Variants in DCUN1D2 observed in about 807,000 individuals in gnomAD.
DCUN1D2 encodes the protein DCN1-like protein 2.
A neutral mutation model predicts 30.9 loss-of-function variants in DCUN1D2; 29 were observed. The ratio of observed to expected loss-of-function variants is 0.94; its 90% CI spans 0.70 to 1.28. The LOEUF (loss-of-function observed/expected upper bound fraction) is 1.28, where lower values mean the gene tolerates loss of function less well. DCUN1D2 is among the 50% of genes most tolerant of loss of function. DCUN1D2 has a pLI of 0.00. For synonymous variants in DCUN1D2, 121 were observed against 115.3 expected (o/e 1.05, Z -0.32); for missense variants, 325 against 316.9 (o/e 1.03, Z -0.19).
At chr13:113,482,742 A>G (rs1315352303) in intron 2 of DCUN1D2, among the ~76,000 whole-genome samples, 1 of 152,232 alleles carries the variant, frequency 6.6e-6, no homozygotes, top group East Asian at 1.9e-4. Context: ...CAAGAGATTG[A>G]GACCATCCTG....
At chr13:113,469,693 G>A (rs2139697942) in intron 4 of DCUN1D2, among the ~76,000 whole-genome samples, 1 of 147,368 alleles carries the variant, frequency 6.8e-6, no homozygotes, top group Middle Eastern at 3.6e-3. Context: ...AAAATGTTAA[G>A]CCAGGTGTGG....
intron 1 of DCUN1D2, among the ~76,000 whole-genome samples, chr13:113,489,700 AG>A (rs1488728184): frequency 6.6e-6 from 1 of 151,946 alleles, no homozygotes; most frequent in Non-Finnish European, 1.5e-5. Context: ...CCTACCACTA[AG>A]GGTCTGTGCA....
Position 113,457,278 on chromosome 13 carries a change from C to T in DCUN1D2, c.*751G>A, listed in dbSNP as rs185227762. The T allele has an allele frequency of 5.3e-5, 8 of 152,288 alleles. No homozygotes were observed. Among genetic ancestry groups the T allele is most frequent in the African/African-American group, 1.7e-4 (7 of 41,556 alleles). The allele number at this position is 152,288 out of a possible 1,614,324, so 9.4% of individuals were successfully genotyped here. On this transcript the variant is annotated 3_prime_UTR_variant, in exon 7 of 7. Transcript: ENST00000478244. ...TTAAAATATATTTTAAAAAAACATA[C>T]TTTATGAAGCTTCTCAGGCAGGTCA...
chr13:113,489,850 C>G (rs964926997), intron 1 of DCUN1D2, among the ~76,000 whole-genome samples: 1 of 152,094 alleles, frequency 6.6e-6, no homozygotes, highest in African/African-American at 2.4e-5. Context: ...CCGCATCCTA[C>G]AAGTTCCTGG....
At chr13:113,481,338 T>A (rs998544580) in intron 2 of DCUN1D2, among the ~76,000 whole-genome samples, 1 of 152,194 alleles carries the variant, frequency 6.6e-6, no homozygotes, top group Non-Finnish European at 1.5e-5. Flanking sequence ...TAGCATTTGT[T>A]TATCAGAAAA....
intron 5 of DCUN1D2, among the ~76,000 whole-genome samples, chr13:113,460,259 C>T (rs916098199): frequency 5.3e-5 from 8 of 152,334 alleles, no homozygotes; most frequent in Admixed American, 5.2e-4. Flanking sequence ...GGCAAGGAAG[C>T]GGAAGTGACG....
chr13:113,459,191 AGGG>A (rs1595564393), intron 6 of DCUN1D2, 118 bp downstream of exon 6: 1 of 613,376 alleles, frequency 1.6e-6, no homozygotes, highest in East Asian at 2.6e-5. Flanking sequence ...ATAATAAGGA[AGGG>A]GGTAGTATTA....
intron 1 of DCUN1D2, among the ~76,000 whole-genome samples, chr13:113,489,787 G>T (rs2044896276): frequency 6.6e-6 from 1 of 151,990 alleles, no homozygotes; most frequent in Non-Finnish European, 1.5e-5. Context: ...AATTTCCAGA[G>T]AAATTCTCCA....
chr13:113,457,864 C>T lies in DCUN1D2; in HGVS notation c.*165G>A, dbSNP rs1306793818. On this transcript the variant is annotated 3_prime_UTR_variant, in exon 7 of 7. Coordinates refer to ENST00000478244, the MANE Select transcript of DCUN1D2 (RefSeq NM_001014283.2). ...CCCGAGGAACTTCCTGCGGTGTCCA[C>T]AAAGCAGCCGCTGGCTGTCCTCCGG... The T allele has an allele frequency of 1.0e-5, 7 of 691,500 alleles. No homozygotes were observed. The highest frequency in any genetic ancestry group is 6.8e-5 in the Admixed American group (3 of 44,346). The allele number at this position is 691,500 out of a possible 1,614,324, so 42.8% of individuals were successfully genotyped here. A position where few individuals can be genotyped will look rare whatever the true frequency, so the allele number is the denominator to read the frequency against.
chr13:113,474,918 A>T (rs1421138082), intron 3 of DCUN1D2, among the ~76,000 whole-genome samples: 1 of 152,240 alleles, frequency 6.6e-6, no homozygotes, highest in Non-Finnish European at 1.5e-5. Flanking sequence ...ATTGTAAAAC[A>T]CAGCTCTATG....
chr13:113,472,587 G>A (rs901134818), intron 4 of DCUN1D2, among the ~76,000 whole-genome samples: 1 of 152,172 alleles, frequency 6.6e-6, no homozygotes, highest in South Asian at 2.1e-4. Flanking sequence ...ACTCGCCCCC[G>A]AGGTCATCCG....
At chr13:113,468,715 G>C (rs1020618016) in intron 4 of DCUN1D2, among the ~76,000 whole-genome samples, 4 of 152,160 alleles carry the variant, frequency 2.6e-5, no homozygotes, top group African/African-American at 9.7e-5. Flanking sequence ...AACCTTCCCT[G>C]AATCTGCGCA....
Position 113,459,363 on chromosome 13 carries a change from G to A in DCUN1D2, c.649C>T (p.Leu217=), listed in dbSNP as rs771127628. The change falls in exon 6 of 7, where the codon CTG becomes TTG. Residue 217 remains leucine (L), a synonymous_variant. Coordinates refer to ENST00000478244, the MANE Select transcript of DCUN1D2 (RefSeq NM_001014283.2). ...SIPRDTWNLL[L]DFGNMIADDM... ...TCCGCAATCATGTTTCCAAAGTCCA[G>A]CAGGAGGTTCCAGGTGTCCCTTGGA... 6.2e-7 allele frequency: 1 copy of A among 1,605,314 alleles called. No homozygotes were observed. Among genetic ancestry groups the A allele is most frequent in the South Asian group, 1.1e-5 (1 of 90,868 alleles).
At position 113,461,032 on chromosome 13, in the gene DCUN1D2, C is replaced by T. The variant is rs377658774; in HGVS notation, c.603+22G>A. ...ACTTCCCTCCACAGTGGGCACACAG[C>T]GAGATGCAGGAGGACACTTACCATT... is the stretch of plus-strand genomic sequence containing the variant. On this transcript the variant is annotated intron_variant, in intron 5 of 6. Transcript: ENST00000478244. The T allele has an allele frequency of 7.2e-4, 1,096 of 1,526,226 alleles. 16 individuals are homozygous for T. The South Asian group carries it at 0.011, about 16-fold the overall frequency. 94.5% of individuals were successfully genotyped at this position (1,526,226 alleles called of 1,614,324 possible). A position where few individuals can be genotyped will look rare whatever the true frequency, so the allele number is the denominator to read the frequency against.
Position 113,456,276 on chromosome 13 carries a change from G to A in DCUN1D2, c.*1753C>T, listed in dbSNP as rs1424273436. The stretch of plus-strand genomic sequence containing the variant: ...AGCCAGAAGCCAGCGGGGGCCAGGC[G>A]GGGTCTGCAGGCTGCAGGTCCCTTC... On this transcript the variant is annotated 3_prime_UTR_variant, in exon 7 of 7. Transcript: ENST00000478244. 2.5e-6 allele frequency: 1 copy of A among 398,762 alleles called. No individual in the cohort carries two copies. The highest frequency in any genetic ancestry group is 4.4e-6 in the Non-Finnish European group (1 of 226,174). The allele number at this position is 398,762 out of a possible 1,614,324, so 24.7% of individuals were successfully genotyped here. A position where few individuals can be genotyped will look rare whatever the true frequency, so the allele number is the denominator to read the frequency against.
In DCUN1D2 at chr13:113,488,452, T is replaced by C. The variant is rs2044845920; in HGVS notation, c.3+2215A>G. Among the ~76,000 whole-genome samples the C allele has an allele frequency of 6.6e-6, 1 of 152,236 alleles. No individual in the cohort carries two copies. The highest frequency in any genetic ancestry group is 1.5e-5 in the Non-Finnish European group (1 of 68,042). ...CTAAGTCTAAAGACTAGGTGCTTCATGTCCAAAAGTGACTGAGAGACCCAA... is the reference window on the plus strand; with the variant it reads ...CTAAGTCTAAAGACTAGGTGCTTCACGTCCAAAAGTGACTGAGAGACCCAA... On this transcript the variant is annotated intron_variant, in intron 1 of 6. Transcript: ENST00000478244. The surrounding 1 kb of genome is among the most constrained non-coding windows in gnomAD (Gnocchi z 4.3).
At chr13:113,490,926 C>T (rs1234511752), upstream of DCUN1D2, 3 of 224,032 alleles carry the variant, frequency 1.3e-5, no homozygotes, top group South Asian at 3.6e-4. This position sits in a 1 kb window ranked among gnomAD's most constrained non-coding sequence, Gnocchi z 5.2. Flanking sequence ...CTGCGGCTGC[C>T]AGGCCCCACG....
At chr13:113,484,157 AAGCCTTGCT>A in intron 1 of DCUN1D2, 101 bp from the exon 2 acceptor site, 1 of 1,543,876 alleles carries the variant, frequency 6.5e-7, no homozygotes. Context: ...ATTAGAGACA[AAGCCTTGCT>A]CTTCATCAGT....
chr13:113,473,599 C>G (rs561985164), intron 4 of DCUN1D2, among the ~76,000 whole-genome samples: 6 of 152,238 alleles, frequency 3.9e-5, no homozygotes, highest in African/African-American at 1.4e-4. Context: ...TATGTAAACC[C>G]AGAAGTTGAG....
Sources: gnomAD v4.1 joint callset for allele counts (sites outside exome capture counted in the v4.1 genomes callset) on GRCh38, gnomAD v4.1.1 for gene constraint, Gnocchi (gnomAD v3.1) non-coding constraint, MANE v1.5 for transcripts, NCBI Gene and HGNC (gene_info 2026-07-23, HGNC 2026-07-21) for gene names.